HORMAD2: variants seen among roughly 807,000 people sequenced by gnomAD.
The protein encoded by HORMAD2 is HORMA domain containing 2, also known as HORMA domain-containing protein 2.
HORMAD2 carries 45 observed loss-of-function variants against 38.8 expected under a neutral mutation model. The ratio of observed to expected loss-of-function variants is 1.16; its 90% confidence interval spans 0.91 to 1.49. The LOEUF (loss-of-function observed/expected upper bound fraction) is 1.49, where lower values mean the gene tolerates loss of function less well. Ranked by LOEUF, HORMAD2 falls within the 40% of genes most tolerant of loss-of-function variation. The pLI, the probability that HORMAD2 is intolerant of heterozygous loss-of-function variation, is 0.00. For missense variants in HORMAD2, 338 were observed against 367.0 expected (o/e 0.92, Z 0.65); for synonymous variants, 126 against 122.8 (o/e 1.03, Z -0.17).
chr22:30,087,996 T>C (rs184314030), intron 1 of HORMAD2, among the ~76,000 whole-genome samples: 10 of 151,784 alleles, frequency 6.6e-5, no homozygotes, highest in Admixed American at 2.0e-4. Context: ...CATATATATA[T>C]ACACACACAT....
At chr22:30,151,521 C>T (rs1007567327) in intron 10 of HORMAD2, among the ~76,000 whole-genome samples, 1 of 151,980 alleles carries the variant, frequency 6.6e-6, no homozygotes, top group African/African-American at 2.4e-5. Flanking sequence ...AAAATACTTC[C>T]TAATACTATA....
the HORMAD2 span, among the ~76,000 whole-genome samples, chr22:30,205,106 A>T: frequency 1.3e-5 from 2 of 152,188 alleles, no homozygotes; most frequent in Non-Finnish European, 2.9e-5. Flanking sequence ...ATATTTAATT[A>T]TAATATTGCG....
At chr22:30,128,803 A>G (rs1421457758) in intron 10 of HORMAD2, among the ~76,000 whole-genome samples, 1 of 152,202 alleles carries the variant, frequency 6.6e-6, no homozygotes, top group Admixed American at 6.5e-5. Context: ...GATAGAGTAT[A>G]TGATTAGGGT....
chr22:30,104,295 T>A, intron 4 of HORMAD2, 106 bp from the exon 5 acceptor site: 1 of 817,532 alleles, frequency 1.2e-6, no homozygotes, highest in East Asian at 2.5e-5. Context: ...AAGATGGTTA[T>A]CAACTTAATG....
At chr22:30,078,660 A>G (rs1242843025), upstream of HORMAD2, among the ~76,000 whole-genome samples, 1 of 149,880 alleles carries the variant, frequency 6.7e-6, no homozygotes, top group Non-Finnish European at 1.5e-5. Context: ...AAATTCTATG[A>G]AAGAAACAGA....
the HORMAD2 span, among the ~76,000 whole-genome samples, chr22:30,203,634 G>A: frequency 5.9e-5 from 9 of 151,964 alleles, no homozygotes; most frequent in African/African-American, 1.9e-4. Flanking sequence ...ACATGTATAC[G>A]TGCATGTGCA....
At chr22:30,191,409 CCTT>C in the HORMAD2 span, among the ~76,000 whole-genome samples, 1 of 152,050 alleles carries the variant, frequency 6.6e-6, no homozygotes, top group Admixed American at 6.6e-5. Context: ...GAGGGGGGCT[CCTT>C]CTATGAGTGC....
At chr22:30,179,269 G>GTTAA (rs1366745031), downstream of HORMAD2, among the ~76,000 whole-genome samples, 2 of 152,126 alleles carry the variant, frequency 1.3e-5, no homozygotes, top group Non-Finnish European at 2.9e-5. Flanking sequence ...GCATGTAAGA[G>GTTAA]TTAAGTCAAG....
chr22:30,092,580 C>A (rs1052618746), intron 1 of HORMAD2, among the ~76,000 whole-genome samples: 11 of 151,998 alleles, frequency 7.2e-5, no homozygotes, highest in Non-Finnish European at 1.5e-5. Flanking sequence ...AATCTTTACC[C>A]AGACCAATGT....
the HORMAD2 span, among the ~76,000 whole-genome samples, chr22:30,189,520 G>T: frequency 6.6e-6 from 1 of 152,038 alleles, no homozygotes; most frequent in Non-Finnish European, 1.5e-5. Flanking sequence ...TGGGGGTGGG[G>T]GATGGGTGGG....
chr22:30,177,296 C>A (rs994408650), downstream of HORMAD2, among the ~76,000 whole-genome samples: 1 of 152,148 alleles, frequency 6.6e-6, no homozygotes, highest in African/African-American at 2.4e-5. Flanking sequence ...AAATGGAGAA[C>A]CAATGACCTC....
At chr22:30,123,374 G>A (rs1331542814) in intron 10 of HORMAD2, among the ~76,000 whole-genome samples, 1 of 152,080 alleles carries the variant, frequency 6.6e-6, no homozygotes, top group African/African-American at 2.4e-5. Flanking sequence ...TCGCTCTGTT[G>A]CCCAGGCTGA....
downstream of HORMAD2, among the ~76,000 whole-genome samples, chr22:30,182,000 A>T (rs1343104978): frequency 2.0e-5 from 3 of 152,216 alleles, no homozygotes; most frequent in African/African-American, 7.2e-5. Flanking sequence ...CACTTCTATA[A>T]ATAGTTGAAT....
chr22:30,162,318 TACACAC>T (rs71198531), intron 10 of HORMAD2, among the ~76,000 whole-genome samples: 51,184 of 147,908 alleles, frequency 0.35, 9,200 homozygotes, highest in African/African-American at 0.45. Context: ...CGTCTCAAAA[TACACAC>T]ACACACACAC....
chr22:30,094,097 C>A, intron 2 of HORMAD2, 94 bp downstream of exon 2: 1 of 859,802 alleles, frequency 1.2e-6, no homozygotes, highest in Non-Finnish European at 1.8e-6. Flanking sequence ...TTTTAAGCAG[C>A]AGTTTTATCA....
chr22:30,159,498 T>C (rs1161327995), intron 10 of HORMAD2, among the ~76,000 whole-genome samples: 1 of 152,224 alleles, frequency 6.6e-6, no homozygotes, highest in Non-Finnish European at 1.5e-5. Context: ...TTATCTTTCA[T>C]AGGAAATATT....
chr22:30,164,320 T>A (rs1182707051), intron 10 of HORMAD2, among the ~76,000 whole-genome samples: 4 of 152,230 alleles, frequency 2.6e-5, no homozygotes, highest in Non-Finnish European at 4.4e-5. Context: ...TACCCAGCAG[T>A]GGAATTGCTG....
intron 10 of HORMAD2, among the ~76,000 whole-genome samples, chr22:30,150,224 A>T (rs1924664660): frequency 6.6e-6 from 1 of 152,034 alleles, no homozygotes; most frequent in African/African-American, 2.4e-5. Context: ...TTTTCCCTCC[A>T]ATTTTCCATA....
chr22:30,172,008 G>T (rs1926141265), intron 10 of HORMAD2, among the ~76,000 whole-genome samples: 1 of 152,142 alleles, frequency 6.6e-6, no homozygotes, highest in Non-Finnish European at 1.5e-5. Context: ...ATACTCAGGA[G>T]GTCTAGTAGC....
Sources: gnomAD v4.1 joint callset for allele counts (sites outside exome capture counted in the v4.1 genomes callset) on GRCh38, gnomAD v4.1.1 for gene constraint, MANE v1.5 for transcripts, NCBI Gene and HGNC (gene_info 2026-07-23, HGNC 2026-07-21) for gene names.